The following MTFR1 variants were observed in gnomAD, a reference collection of about 807,000 sequenced individuals.
MTFR1 encodes mitochondrial fission regulator 1, also known as chondrocyte protein with a poly-proline region.
MTFR1 carries 28 observed loss-of-function variants against 38.8 expected under a neutral mutation model. The observed-to-expected ratio is 0.72, with a 90% CI of 0.53 to 0.99. The LOEUF (loss-of-function observed/expected upper bound fraction) is 0.99, where lower values mean the gene tolerates loss of function less well. Among genes scored for constraint, MTFR1 ranks in the 50% least tolerant of loss-of-function variants. The probability of loss-of-function intolerance (pLI) is 0.00; values close to 1 mark genes in which losing one functional copy is unlikely to be tolerated. For missense variants in MTFR1, 358 were observed against 395.5 expected (o/e 0.91, Z 0.81); for synonymous variants, 145 against 137.0 (o/e 1.06, Z -0.41).
intron 3 of MTFR1, among the ~76,000 whole-genome samples, chr8:65,734,397 T>C (rs1177667146): frequency 6.6e-6 from 1 of 152,208 alleles, no homozygotes; most frequent in Non-Finnish European, 1.5e-5. Context: ...AGGCTTTTGG[T>C]CTTGATACGA....
At chr8:65,687,222 C>T (rs1805113115) in intron 3 of MTFR1, among the ~76,000 whole-genome samples, 1 of 151,970 alleles carries the variant, frequency 6.6e-6, no homozygotes, top group Non-Finnish European at 1.5e-5. Flanking sequence ...TTGAAAATCA[C>T]TGAGAGAGTA....
At chr8:65,662,302 G>A (rs1809451922) in intron 1 of MTFR1, among the ~76,000 whole-genome samples, 1 of 152,056 alleles carries the variant, frequency 6.6e-6, no homozygotes, top group Non-Finnish European at 1.5e-5. Flanking sequence ...ATTTCGCTGT[G>A]TTGGCCGGGC....
chr8:65,662,008 CCT>C (rs1201162054), intron 1 of MTFR1, among the ~76,000 whole-genome samples: 32 of 143,750 alleles, frequency 2.2e-4, no homozygotes, highest in Non-Finnish European at 2.6e-4. Flanking sequence ...TCTCCCTCTC[CCT>C]CTCTCTCTCC....
intron 1 of MTFR1, among the ~76,000 whole-genome samples, chr8:65,645,179 C>G (rs1009848362): frequency 1.3e-5 from 2 of 152,232 alleles, no homozygotes; most frequent in Non-Finnish European, 2.9e-5. Flanking sequence ...TTCGCGGCGG[C>G]TCCCTTGGGT....
intron 3 of MTFR1, among the ~76,000 whole-genome samples, chr8:65,733,675 C>T (rs2128896774): frequency 6.6e-6 from 1 of 152,218 alleles, no homozygotes; most frequent in East Asian, 1.9e-4. Flanking sequence ...AAACCGTACA[C>T]ATAAAATGTA....
At position 65,704,717 on chromosome 8, in the gene MTFR1, C is replaced by A. The variant is rs1397844448; in HGVS notation, c.305C>A (p.Pro102His). 3.1e-6 allele frequency: 5 copies of A among 1,613,968 alleles called. No individual in the cohort carries two copies. The highest frequency in any genetic ancestry group is 1.6e-4 in the Middle Eastern group (1 of 6,084). The change falls in exon 5 of 8, where the codon CCC (proline) becomes CAC (histidine). Residue 102 changes from proline to histidine, a missense_variant. Transcript: ENST00000262146. ...RLRTEVRSRP[P>H]LQDDLLFFEK... ...AGGACAGAGGTCAGATCAAGGCCAC[C>A]CCTTCAGGATGACCTTCTTTTCTTT...
At chr8:65,654,801 C>T (rs541419986) in intron 1 of MTFR1, among the ~76,000 whole-genome samples, 2 of 152,236 alleles carry the variant, frequency 1.3e-5, no homozygotes, top group African/African-American at 2.4e-5. Context: ...TGGTCTTGAA[C>T]TACTGGCTCA....
chr8:65,698,329 G>A (rs1424104807), intron 4 of MTFR1, among the ~76,000 whole-genome samples: 1 of 151,430 alleles, frequency 6.6e-6, no homozygotes, highest in African/African-American at 2.4e-5. Context: ...TTGTAAAGAT[G>A]GGTTTTCGCC....
chr8:65,717,582 G>A (rs568131115), intron 2 of MTFR1: 7 of 152,196 alleles, frequency 4.6e-5, no homozygotes, highest in Admixed American at 3.3e-4. Flanking sequence ...AACATCTGAG[G>A]GATGAATTAC....
chr8:65,719,315 A>G, intron 2 of MTFR1: 1 of 1,613,864 alleles, frequency 6.2e-7, no homozygotes, highest in Non-Finnish European at 8.5e-7. Flanking sequence ...TTCCTGAGGT[A>G]ATAACTGTGA....
intron 1 of MTFR1, among the ~76,000 whole-genome samples, chr8:65,662,148 G>GCTT (rs1809445461): frequency 1.3e-5 from 2 of 150,184 alleles, no homozygotes; most frequent in Non-Finnish European, 3.0e-5. Context: ...CTGATGCCGA[G>GCTT]CGGAAGCTGG....
At position 65,689,269 on chromosome 8, in the gene MTFR1, T is replaced by C. The variant is rs569248361; in HGVS notation, c.166-4375T>C. On this transcript the variant is annotated intron_variant, in intron 3 of 7. Transcript: ENST00000262146. Reference sequence around the variant, plus strand: ...AGAATCCTAGTTCCCAGCACTGTTGTGTTTATTTTATGAAGTCACAAGAGG... The same window carrying C: ...AGAATCCTAGTTCCCAGCACTGTTGCGTTTATTTTATGAAGTCACAAGAGG... 5.9e-5 allele frequency among the ~76,000 whole-genome samples: 9 copies of C among 152,360 alleles called. No individual in the cohort carries two copies. The East Asian group carries it at 1.7e-3, about 29-fold the overall frequency.
chr8:65,734,937 A>T, intron 3 of MTFR1: 10 of 1,196,248 alleles, frequency 8.4e-6, no homozygotes, highest in Non-Finnish European at 1.1e-5. Context: ...TATATGAGCA[A>T]CATATACAAG....
intron 3 of MTFR1, among the ~76,000 whole-genome samples, chr8:65,744,781 C>T (rs1225717033): frequency 6.6e-6 from 1 of 152,192 alleles, no homozygotes; most frequent in Non-Finnish European, 1.5e-5. Context: ...GCGGCAATTG[C>T]CAACCAATCT....
At chr8:65,774,821 G>T (rs1809210755), downstream of MTFR1, among the ~76,000 whole-genome samples, 1 of 151,888 alleles carries the variant, frequency 6.6e-6, no homozygotes, top group African/African-American at 2.4e-5. Context: ...GAAACGTCCG[G>T]CTGTTTCTCA....
At chr8:65,747,487 A>G (rs1807727559) in intron 3 of MTFR1, among the ~76,000 whole-genome samples, 1 of 152,222 alleles carries the variant, frequency 6.6e-6, no homozygotes, top group Non-Finnish European at 1.5e-5. Context: ...TGTAATGGCT[A>G]ATTATAAAAC....
At chr8:65,735,002 G>C in intron 3 of MTFR1, 1 of 717,010 alleles carries the variant, frequency 1.4e-6, no homozygotes, top group Non-Finnish European at 2.5e-6. Flanking sequence ...TGTAGCTATC[G>C]GCTAAAATCG....
intron 3 of MTFR1, among the ~76,000 whole-genome samples, chr8:65,731,041 A>AC (rs1198163225): frequency 1.3e-5 from 2 of 152,212 alleles, no homozygotes; most frequent in Non-Finnish European, 2.9e-5. Context: ...CCAAGTACCT[A>AC]CCATGTGCTG....
intron 3 of MTFR1, among the ~76,000 whole-genome samples, chr8:65,730,171 C>CTTTTTTTTTTTTTTTTTTTTT (rs1179431555): frequency 1.3e-4 from 11 of 86,446 alleles, no homozygotes; most frequent in Non-Finnish European, 1.3e-4. Context: ...TTGCGCACTT[C>CTTTTTTTTTTTTTTTTTTTTT]TTTTTTTTTT....
Sources: allele counts gnomAD v4.1 joint callset (sites outside exome capture counted in the v4.1 genomes callset), GRCh38; gene constraint gnomAD v4.1.1; transcripts MANE v1.5; gene names NCBI Gene and HGNC (gene_info 2026-07-23, HGNC 2026-07-21).